The following PPP2R3A variants were observed in gnomAD, a reference collection of about 807,000 sequenced individuals.
PPP2R3A encodes the protein protein phosphatase 2 regulatory subunit B''alpha.
Under a neutral mutation model 106.9 loss-of-function variants are expected in PPP2R3A, and 80 were observed. That is an observed-to-expected ratio of 0.75 (90% CI 0.62 to 0.90). PPP2R3A has a LOEUF of 0.90. Ranked by LOEUF, PPP2R3A falls within the 40% of genes least tolerant of loss-of-function variation. The pLI, the probability that PPP2R3A is intolerant of heterozygous loss-of-function variation, is 0.00. For missense variants in PPP2R3A, 1,386 were observed against 1,350.4 expected (o/e 1.03, Z -0.41); for synonymous variants, 483 against 468.3 (o/e 1.03, Z -0.41).
At chr3:136,144,306 C>A (rs931478696) in intron 13 of PPP2R3A, among the ~76,000 whole-genome samples, 1 of 152,180 alleles carries the variant, frequency 6.6e-6, no homozygotes, top group Non-Finnish European at 1.5e-5. Flanking sequence ...CATACTTGAA[C>A]ATCTTTTTGT....
At chr3:136,055,855 C>T in intron 5 of PPP2R3A, 1 of 476,188 alleles carries the variant, frequency 2.1e-6, no homozygotes. Context: ...GTTTAGTAGA[C>T]ACTGCAGTCT....
intron 10 of PPP2R3A, 57 bp downstream of exon 10, chr3:136,090,724 A>G (rs1937075287): frequency 1.4e-6 from 2 of 1,440,756 alleles, no homozygotes; most frequent in Non-Finnish European, 1.9e-6. Context: ...AAGCTTGAAA[A>G]AGTCATGGTG....
chr3:136,080,850 C>T (rs572791582), intron 7 of PPP2R3A, among the ~76,000 whole-genome samples: 2 of 152,070 alleles, frequency 1.3e-5, no homozygotes, highest in Non-Finnish European at 2.9e-5. Context: ...GCAGATTTAC[C>T]ATAACTTAAT....
At position 136,030,761 on chromosome 3, in the gene PPP2R3A, C is replaced by CATATATATATATATATATATATAT. The variant is rs374923726; in HGVS notation, c.2262+3683_2262+3684insATATATATATATATATATATATAT. ...TTTATGGCTGAGTAGTATTCCATCA[C>CATATATATATATATATATATATAT]ATATATATATATATATATATGTATG... On this transcript the variant is annotated intron_variant, in intron 3 of 13. Coordinates refer to ENST00000264977, the MANE Select transcript of PPP2R3A (RefSeq NM_002718.5). Among the ~76,000 whole-genome samples the CATATATATATATATATATATATAT allele has an allele frequency of 1.6e-3, 159 of 100,226 alleles. 3 individuals carry two copies. The highest frequency in any genetic ancestry group is 9.2e-3 in the Middle Eastern group (2 of 218). The allele number at this position is 100,226 out of a possible 152,430, so 65.8% of individuals were successfully genotyped here.
At chr3:136,047,098 C>T (rs1173583573) in intron 4 of PPP2R3A, among the ~76,000 whole-genome samples, 1 of 152,060 alleles carries the variant, frequency 6.6e-6, no homozygotes, top group Non-Finnish European at 1.5e-5. Context: ...TGTAAAGAGA[C>T]CAAACCTATA....
chr3:136,008,504 A>G (rs1452902495), intron 2 of PPP2R3A, among the ~76,000 whole-genome samples: 1 of 152,178 alleles, frequency 6.6e-6, no homozygotes, highest in East Asian at 1.9e-4. Flanking sequence ...TAATACCTGC[A>G]TTCTTTCTGA....
At chr3:136,020,228 T>C (rs1934418239) in intron 2 of PPP2R3A, among the ~76,000 whole-genome samples, 2 of 152,116 alleles carry the variant, frequency 1.3e-5, no homozygotes, top group South Asian at 4.1e-4. Flanking sequence ...ATGATTGAGT[T>C]TGATAGTAGG....
chr3:136,137,306 C>G (rs1938656801), intron 13 of PPP2R3A, among the ~76,000 whole-genome samples: 1 of 151,970 alleles, frequency 6.6e-6, no homozygotes. Context: ...ACTCTTGGTT[C>G]AATGATCCAG....
At chr3:136,025,103 T>C (rs1310329102) in intron 2 of PPP2R3A, among the ~76,000 whole-genome samples, 1 of 152,186 alleles carries the variant, frequency 6.6e-6, no homozygotes, top group African/African-American at 2.4e-5. Flanking sequence ...CCTTTGGTCT[T>C]GTCATTCATC....
At chr3:136,017,647 T>C (rs912109636) in intron 2 of PPP2R3A, among the ~76,000 whole-genome samples, 2 of 152,198 alleles carry the variant, frequency 1.3e-5, no homozygotes, top group African/African-American at 2.4e-5. Flanking sequence ...CACTTTGATA[T>C]GTAACTTTTT....
chr3:136,100,996 G>T (rs928487655), intron 10 of PPP2R3A, among the ~76,000 whole-genome samples: 1 of 152,132 alleles, frequency 6.6e-6, no homozygotes, highest in African/African-American at 2.4e-5. Context: ...TAGAGAATGC[G>T]CAGAGTAACA....
At chr3:136,034,002 G>C (rs1189967737) in intron 3 of PPP2R3A, among the ~76,000 whole-genome samples, 2 of 142,694 alleles carry the variant, frequency 1.4e-5, no homozygotes, top group African/African-American at 5.2e-5. Context: ...TAGATTGTCT[G>C]TTTGTGCTCT....
intron 10 of PPP2R3A, among the ~76,000 whole-genome samples, chr3:136,091,350 C>T (rs970965467): frequency 6.6e-6 from 1 of 152,122 alleles, no homozygotes; most frequent in South Asian, 2.1e-4. Flanking sequence ...TATGGTGGCT[C>T]ACATCTGTAA....
chr3:136,086,530 C>T (rs970390399), intron 8 of PPP2R3A, among the ~76,000 whole-genome samples: 2 of 152,124 alleles, frequency 1.3e-5, no homozygotes, highest in African/African-American at 4.8e-5. Flanking sequence ...AATGAGACAA[C>T]ATAGAATAAC....
chr3:135,992,900 G>C (rs1933234509), intron 1 of PPP2R3A, among the ~76,000 whole-genome samples: 2 of 152,130 alleles, frequency 1.3e-5, no homozygotes, highest in Admixed American at 1.3e-4. Flanking sequence ...AGAGATGCAA[G>C]GAAGGAGACA....
chr3:136,026,692 A>G (rs1284360012), intron 2 of PPP2R3A, 140 bp from the exon 3 acceptor site: 3 of 673,814 alleles, frequency 4.5e-6, no homozygotes, highest in Non-Finnish European at 4.7e-6. Flanking sequence ...CCCTAGAAAC[A>G]TGCTTACCAC....
At chr3:136,044,625 C>T (rs1223764378) in intron 4 of PPP2R3A, among the ~76,000 whole-genome samples, 3 of 148,108 alleles carry the variant, frequency 2.0e-5, no homozygotes, top group Non-Finnish European at 4.5e-5. Context: ...CAAGAAGACA[C>T]AGCCAGGGAG....
intron 6 of PPP2R3A, 102 bp downstream of exon 6, chr3:136,070,654 G>C: frequency 1.2e-6 from 1 of 830,536 alleles, no homozygotes; most frequent in East Asian, 3.1e-5. Context: ...GGTAACATGG[G>C]TTATAATGAT....
chr3:136,045,170 A>G (rs1257828111), intron 4 of PPP2R3A, among the ~76,000 whole-genome samples: 1 of 152,106 alleles, frequency 6.6e-6, no homozygotes, highest in East Asian at 1.9e-4. Context: ...GGCTTCTCCC[A>G]TAGGAGCAGG....
Sources: allele counts gnomAD v4.1 joint callset (sites outside exome capture counted in the v4.1 genomes callset), GRCh38; gene constraint gnomAD v4.1.1; transcripts MANE v1.5; gene names NCBI Gene and HGNC (gene_info 2026-07-23, HGNC 2026-07-21).